BOD1L1: variants seen among roughly 807,000 people sequenced by gnomAD.
The protein encoded by BOD1L1 is biorientation of chromosomes in cell division 1 like 1.
BOD1L1 carries 86 observed loss-of-function variants against 240.7 expected under a neutral mutation model. The observed-to-expected ratio is 0.36, with a 90% CI of 0.30 to 0.43. The LOEUF (loss-of-function observed/expected upper bound fraction) is 0.43. Ranked by LOEUF, BOD1L1 falls within the 20% of genes least tolerant of loss-of-function variation. The pLI is 1.00. For missense variants in BOD1L1, 3,554 were observed against 3,643.5 expected (o/e 0.98, Z 0.63); for synonymous variants, 1,268 against 1,272.3 (o/e 1.00, Z 0.07).
chr4:13,618,887 C>T (rs1716819765), intron 2 of BOD1L1, among the ~76,000 whole-genome samples: 1 of 150,942 alleles, frequency 6.6e-6, no homozygotes, highest in South Asian at 2.1e-4. Context: ...AAAAGCTACA[C>T]TTCATTCTCA....
rs769766508 is a variant in BOD1L1 at position 13,603,940 on chromosome 4, T to G, written c.2960A>C (p.Asp987Ala). ...TGGTAACTTGGCTCTATGACTAGAA[T>G]CCTTCTGTGTACTATGTGCTGAAGA... ...ASSSAHSTQK[D>A]SSHRAKLPLA... Residue 987 changes from aspartate to alanine, a missense_variant, in exon 10 of 26, where the codon GAT becomes GCT. This residue lies in a region of BOD1L1 where 3,393 missense variants were observed against 3,427.1 expected (regional missense o/e 0.99). Transcript: ENST00000040738. The G allele has an allele frequency of 4.3e-6, 7 of 1,613,828 alleles. No homozygotes were observed. Among genetic ancestry groups the G allele is most frequent in the Non-Finnish European group, 8.5e-7 (1 of 1,179,882 alleles).
chr4:13,617,207 T>G (rs1476234269), intron 2 of BOD1L1, among the ~76,000 whole-genome samples: 5 of 138,164 alleles, frequency 3.6e-5, no homozygotes, highest in Non-Finnish European at 7.5e-5. Context: ...ATGGCACCAC[T>G]GCACTCCACC....
Position 13,620,083 on chromosome 4 carries a change from C to A in BOD1L1, c.244-16G>T, listed in dbSNP as rs373233742. 3.1e-5 allele frequency: 50 copies of A among 1,587,724 alleles called. No homozygotes were observed. The South Asian group carries it at 5.3e-4, about 17-fold the overall frequency. On this transcript the variant is annotated splice_polypyrimidine_tract_variant and intron_variant, in intron 1 of 25. Transcript: ENST00000040738. The stretch of plus-strand genomic sequence containing the variant: ...GATACGCAGGCTAGAGAGAAAAAAA[C>A]GAAGGTAAGTCTTCAAGGTTATACA...
intron 19 of BOD1L1, 67 bp from the exon 20 acceptor site, chr4:13,581,274 T>C: frequency 1.7e-6 from 2 of 1,165,480 alleles, no homozygotes; most frequent in Non-Finnish European, 2.4e-6. Context: ...TATATAAAGT[T>C]TTCTCAAAAA....
At chr4:13,612,209 C>T (rs536831031) in intron 5 of BOD1L1, among the ~76,000 whole-genome samples, 2 of 152,060 alleles carry the variant, frequency 1.3e-5, no homozygotes, top group Non-Finnish European at 2.9e-5. Context: ...TTGAGAAATA[C>T]CTCTATGGTG....
chr4:13,614,683 G>A lies in BOD1L1; in HGVS notation c.687C>T (p.Thr229=). 1.2e-6 allele frequency: 2 copies of A among 1,613,848 alleles called. No individual in the cohort carries two copies. Among genetic ancestry groups the A allele is most frequent in the African/African-American group, 1.3e-5 (1 of 74,988 alleles). The change falls in exon 4 of 26, where the codon ACC becomes ACT. Residue 229 remains threonine (T), a synonymous_variant. Coordinates refer to ENST00000040738, the MANE Select transcript of BOD1L1 (RefSeq NM_148894.3). ...GAAGTTTTTTTGACGCTCTCTCACT[G>A]GTCTTGGCATTTGATGTTTCTGTTG... ...RASTETSNAK[T]SERASKKLPS...
In BOD1L1 at chr4:13,603,268, CT is replaced by C; in HGVS notation, c.3631del (p.Ser1211ValfsTer6). 6.2e-7 allele frequency: 1 copy of C among 1,613,920 alleles called. No individual in the cohort carries two copies. Among genetic ancestry groups the C allele is most frequent in the Non-Finnish European group, 8.5e-7 (1 of 1,179,862 alleles). ...STLTKKMHIQSAVSKMNPGEK... is the reference protein window; with the variant it reads ...STLTKKMHIQXAVSKMNPGEK... ...CCCAGGGTTCATTTTGGACACAGCA[CT>C]TTGTATATGCATTTTCTTGGTCAAG... On this transcript the variant is annotated frameshift_variant, in exon 10 of 26. Transcript: ENST00000040738. LOFTEE classifies it high-confidence loss of function.
chr4:13,580,026 A>G, intron 21 of BOD1L1, 53 bp from the exon 22 acceptor site: 1 of 1,280,996 alleles, frequency 7.8e-7, no homozygotes, highest in East Asian at 2.5e-5. Flanking sequence ...GTTTATAATC[A>G]TCACATAGAA....
chr4:13,605,739 A>C (rs1023904613), intron 9 of BOD1L1, among the ~76,000 whole-genome samples: 1 of 152,244 alleles, frequency 6.6e-6, no homozygotes, highest in African/African-American at 2.4e-5. Flanking sequence ...TTTAATTTAA[A>C]AAGCTGAATT....
chr4:13,603,234 T>C lies in BOD1L1; in HGVS notation c.3666A>G (p.Glu1222=). ...CTTCAGTAGTTCCTCTATGAATGGG[T>C]TCTTTCTCCCCAGGGTTCATTTTGG... ...AVSKMNPGEK[E]PIHRGTTEVN... The change falls in exon 10 of 26, where the codon GAA becomes GAG. Residue 1222 remains glutamate, a synonymous_variant. Transcript: ENST00000040738. 1 of 1,614,028 alleles carries C rather than the reference T, an allele frequency of 6.2e-7. No individual in the cohort carries two copies. Among genetic ancestry groups the C allele is most frequent in the Non-Finnish European group, 8.5e-7 (1 of 1,179,890 alleles).
At position 13,603,791 on chromosome 4, in the gene BOD1L1, C is replaced by T. The variant is rs1395886251; in HGVS notation, c.3109G>A (p.Glu1037Lys). ...HSSKDIKKKD[E>K]NKSDDKDGKE... ...CCATCCTTGTCATCTGATTTATTTT[C>T]GTCCTTCTTTTTTATGTCTTTACTA... Residue 1037 changes from glutamate to lysine, a missense_variant, in exon 10 of 26, where the codon GAA becomes AAA. Glu to Lys is a moderately conservative substitution (Grantham distance 56). Coordinates refer to ENST00000040738, the MANE Select transcript of BOD1L1 (RefSeq NM_148894.3). The T allele has an allele frequency of 5.0e-6, 8 of 1,613,294 alleles. No individual in the cohort carries two copies. The highest frequency in any genetic ancestry group is 1.3e-5 in the African/African-American group (1 of 74,912).
Position 13,577,674 on chromosome 4 carries a change from T to A in BOD1L1, c.8750-43A>T, listed in dbSNP as rs189056605. On this transcript the variant is annotated intron_variant, in intron 22 of 25. Coordinates refer to ENST00000040738, the MANE Select transcript of BOD1L1 (RefSeq NM_148894.3). ...TCTCTGCATTAATATTTTATTACTGTAAATTTAAATTTCAACAATCAGCCT... is the reference window on the plus strand; with the variant it reads ...TCTCTGCATTAATATTTTATTACTGAAAATTTAAATTTCAACAATCAGCCT... 1,198 of 1,416,176 alleles carry A rather than the reference T, an allele frequency of 8.5e-4. 9 individuals carry two copies. In the African/African-American group the frequency reaches 0.015, roughly 18 times the overall value. 87.7% of individuals were successfully genotyped at this position (1,416,176 alleles called of 1,614,324 possible). A position where few individuals can be genotyped will look rare whatever the true frequency, so the allele number is the denominator to read the frequency against.
chr4:13,604,778 AATC>A lies in BOD1L1; in HGVS notation c.2119_2121del (p.Asp707del). On this transcript the variant is annotated inframe_deletion, in exon 10 of 26. Transcript: ENST00000040738. ...AGGCTTTTCAAATGTGGTGTTTCAG[AATC>A]ATCTTTCTTTAGATGCTTTTCGTTT... 1 of 1,613,336 alleles carries A rather than the reference AATC, an allele frequency of 6.2e-7. No individual in the cohort carries two copies. Among genetic ancestry groups the A allele is most frequent in the Non-Finnish European group, 8.5e-7 (1 of 1,179,688 alleles).
At position 13,599,000 on chromosome 4, in the gene BOD1L1, CAG is replaced by C; in HGVS notation, c.7898_7899del (p.Pro2633ArgfsTer12). On this transcript the variant is annotated frameshift_variant, in exon 10 of 26. Transcript: ENST00000040738. LOFTEE classifies it high-confidence loss of function. ...ACAGTAACCATTATGTCTCCTTCCT[CAG>C]GGAATGATTTCCTTGTGCTGTTATC... ...GDDNSTRKSF[P>X]EEGDIMVTVS... The C allele has an allele frequency of 6.2e-7, 1 of 1,613,694 alleles. No individual in the cohort carries two copies.
In BOD1L1 at chr4:13,599,928, C is replaced by G; in HGVS notation, c.6972G>C (p.Leu2324Phe). 6.2e-7 allele frequency: 1 copy of G among 1,613,488 alleles called. No individual in the cohort carries two copies. The highest frequency in any genetic ancestry group is 8.5e-7 in the Non-Finnish European group (1 of 1,179,678). ...TGGTGGAGATGATGGCAGCATCGCT[C>G]AAGTCTTCTACTCTTGTGATGGTGA... ...DRLTITRVEDLSDAAIISTST... is the reference protein window; with the variant it reads ...DRLTITRVEDFSDAAIISTST... The change falls in exon 10 of 26, where the codon TTG (leucine) becomes TTC (phenylalanine). Residue 2324 changes from leucine (L) to phenylalanine (F), a missense_variant. Coordinates refer to ENST00000040738, the MANE Select transcript of BOD1L1 (RefSeq NM_148894.3).
At position 13,611,000 on chromosome 4, in the gene BOD1L1, A is replaced by G; in HGVS notation, c.1425T>C (p.Tyr475=). Residue 475 remains tyrosine, a synonymous_variant, in exon 6 of 26, where the codon TAT becomes TAC. Transcript: ENST00000040738. ...AATCACTATAGTATTTTGAGTAAAG[A>G]TATGGTTTGTGGACATACGCATGCC... The part of the protein sequence containing the change: ...SVRHAYVHKP[Y]LYSKYYSDSD... The G allele has an allele frequency of 6.2e-7, 1 of 1,612,834 alleles. No homozygotes were observed. Among genetic ancestry groups the G allele is most frequent in the East Asian group, 2.2e-5 (1 of 44,834 alleles).
chr4:13,614,388 T>C lies in BOD1L1; in HGVS notation c.982A>G (p.Ser328Gly), dbSNP rs1208301421. Residue 328 changes from serine to glycine, a missense_variant, in exon 4 of 26, where the codon AGC becomes GGC. Ser to Gly is a moderately conservative substitution (Grantham distance 56, BLOSUM62 0). Around this residue, in one of 2 missense-constraint regions of BOD1L1, gnomAD observed 3,393 missense variants for 3,427.1 expected, o/e 0.99. Transcript: ENST00000040738. ...STDKGEKKPD[S>G]NEKGERKKEK... ...TTCTTTCTTTCTCCTTTCTCATTGC[T>C]GTCTGGCTTCTTTTCACCTTTGTCT... The C allele has an allele frequency of 4.5e-6, 7 of 1,565,434 alleles. No homozygotes were observed. Among genetic ancestry groups the C allele is most frequent in the Non-Finnish European group, 6.1e-6 (7 of 1,153,106 alleles).
intron 2 of BOD1L1, among the ~76,000 whole-genome samples, chr4:13,617,112 G>A (rs1716670725): frequency 6.6e-6 from 1 of 151,950 alleles, no homozygotes; most frequent in Admixed American, 6.5e-5. Flanking sequence ...GGGTGTGGTG[G>A]CACGTGCCTG....
In BOD1L1 at chr4:13,599,829, T is replaced by C. The variant is rs374725746; in HGVS notation, c.7071A>G (p.Pro2357=). 1 of 1,613,922 alleles carries C rather than the reference T, an allele frequency of 6.2e-7. No homozygotes were observed. The highest frequency in any genetic ancestry group is 1.3e-5 in the African/African-American group (1 of 74,934). ...TGGCTGACAGGTCACCGTTCCCTTC[T>C]GGGTTGTCTGCAGTCAGCTGATTCT... ...HEENQLTADN[P]EGNGDLSATE... Residue 2357 remains proline, a synonymous_variant, in exon 10 of 26, where the codon CCA becomes CCG. Coordinates refer to ENST00000040738, the MANE Select transcript of BOD1L1 (RefSeq NM_148894.3).
Sources: gnomAD v4.1 joint callset for allele counts (sites outside exome capture counted in the v4.1 genomes callset) on GRCh38, gnomAD v4.1.1 for gene constraint, gnomAD v4.1.1 regional missense constraint, MANE v1.5 for transcripts, NCBI Gene and HGNC (gene_info 2026-07-23, HGNC 2026-07-21) for gene names.